The following GRAP2 variants were observed in gnomAD, a reference collection of about 807,000 sequenced individuals.
The protein encoded by GRAP2 is GRB2 related adaptor protein 2.
GRAP2 carries 31 observed loss-of-function variants against 43.5 expected under a neutral mutation model. The observed-to-expected ratio is 0.71, with a 90% confidence interval of 0.54 to 0.96. GRAP2 has a LOEUF of 0.96. GRAP2 is among the 40% of genes least tolerant of loss of function. The pLI is 0.00. For synonymous variants in GRAP2, 156 were observed against 164.8 expected, an observed-to-expected ratio of 0.95 and a Z score of 0.41; for missense variants, 371 against 424.4, an observed-to-expected ratio of 0.87 and a Z score of 1.11.
upstream of GRAP2, among the ~76,000 whole-genome samples, chr22:39,898,222 G>A (rs183175963): frequency 5.3e-5 from 8 of 152,150 alleles, no homozygotes; most frequent in African/African-American, 1.9e-4. Flanking sequence ...ACGTAAAATC[G>A]CAACCCCCAT....
chr22:39,908,118 G>A (rs184844801), intron 1 of GRAP2, among the ~76,000 whole-genome samples: 3 of 152,324 alleles, frequency 2.0e-5, no homozygotes, highest in East Asian at 1.9e-4. Context: ...TAGACTGTGT[G>A]TTCTCTGAAG....
At chr22:39,968,893 C>T (rs2067207562) in intron 6 of GRAP2, among the ~76,000 whole-genome samples, 1 of 152,198 alleles carries the variant, frequency 6.6e-6, no homozygotes, top group South Asian at 2.1e-4. Flanking sequence ...CCCGAATGGT[C>T]CATTGCGTTT....
chr22:39,966,942 A>G (rs138006), intron 5 of GRAP2, among the ~76,000 whole-genome samples: 124,795 of 152,098 alleles, frequency 0.82, 51,873 homozygotes, highest in African/African-American at 0.9. Flanking sequence ...TCCATATTAA[A>G]CACTAAGAAC....
Position 39,960,170 on chromosome 22 carries a change from G to A in GRAP2, c.286G>A (p.Val96Ile). 6.2e-7 allele frequency: 1 copy of A among 1,613,822 alleles called. No individual in the cohort carries two copies. The highest frequency in any genetic ancestry group is 8.5e-7 in the Non-Finnish European group (1 of 1,179,694). ...QSSPGDFSIS[V>I]RHEDDVQHFK... ...CTCCCCAGGGGACTTCTCCATCTCT[G>A]TCAGGTACTGACCATTCCTGACACT... Residue 96 changes from valine to isoleucine, a missense_variant, in exon 4 of 8, where the codon GTC (valine) becomes ATC (isoleucine). Val to Ile is a conservative substitution (Grantham distance 29, BLOSUM62 3). Coordinates refer to ENST00000344138, the MANE Select transcript of GRAP2 (RefSeq NM_004810.4).
intron 1 of GRAP2, among the ~76,000 whole-genome samples, chr22:39,925,775 C>G (rs1268306150): frequency 6.6e-6 from 1 of 152,154 alleles, no homozygotes; most frequent in Non-Finnish European, 1.5e-5. Flanking sequence ...CTACACCAAG[C>G]CCCCCAGATC....
upstream of GRAP2, among the ~76,000 whole-genome samples, chr22:39,900,678 T>TTTC (rs1046076283): frequency 2.0e-5 from 3 of 152,096 alleles, no homozygotes; most frequent in South Asian, 2.1e-4. Flanking sequence ...GCTCAGAATG[T>TTTC]TTCTTCTTTT....
At chr22:39,954,585 G>T (rs1430412197) in intron 2 of GRAP2, among the ~76,000 whole-genome samples, 1 of 152,054 alleles carries the variant, frequency 6.6e-6, no homozygotes, top group African/African-American at 2.4e-5. Context: ...AGTAGAGATG[G>T]CATTTCACCA....
In GRAP2 at chr22:39,968,168, C is replaced by A; in HGVS notation, c.586C>A (p.Gln196Lys). 1 of 1,609,434 alleles carries A rather than the reference C, an allele frequency of 6.2e-7. No individual in the cohort carries two copies. The highest frequency in any genetic ancestry group is 8.5e-7 in the Non-Finnish European group (1 of 1,177,856). The change falls in exon 6 of 8, where the codon CAG becomes AAG. Residue 196 changes from glutamine (Q) to lysine (K), a missense_variant. By Grantham distance (53) the Gln-to-Lys change is moderately conservative. Coordinates refer to ENST00000344138, the MANE Select transcript of GRAP2 (RefSeq NM_004810.4). ...LSDHPPTLPL[Q>K]QHQHQPQPPQ... ...GGATCACCCCCCGACCCTTCCCCTG[C>A]AGCAGCACCAGCACCAGCCACAGCC...
At position 39,973,693 on chromosome 22, in the gene GRAP2, C is replaced by T. The variant is rs1384654232; in HGVS notation, c.*2609C>T. 6.6e-6 allele frequency: 1 copy of T among 152,254 alleles called. No individual in the cohort carries two copies. Among genetic ancestry groups the T allele is most frequent in the Non-Finnish European group, 1.5e-5 (1 of 68,058 alleles). 9.4% of individuals were successfully genotyped at this position (152,254 alleles called of 1,614,324 possible). A position where few individuals can be genotyped will look rare whatever the true frequency, so the allele number is the denominator to read the frequency against. On this transcript the variant is annotated 3_prime_UTR_variant, in exon 8 of 8. Transcript: ENST00000344138. The stretch of plus-strand genomic sequence containing the variant: ...GGAGGGGGAAAGAGAGCTCAACCCC[C>T]CTCAGCCTCTGGTGCTGCCAGGGGG...
At chr22:39,962,689 G>A (rs564121889) in intron 4 of GRAP2, among the ~76,000 whole-genome samples, 12 of 151,806 alleles carry the variant, frequency 7.9e-5, no homozygotes, top group East Asian at 7.8e-4. Context: ...ACAGACTCTC[G>A]CTCTGTCGCC....
chr22:39,958,424 G>A (rs556106257), intron 3 of GRAP2, among the ~76,000 whole-genome samples: 64 of 152,210 alleles, frequency 4.2e-4, no homozygotes, highest in African/African-American at 1.5e-3. Flanking sequence ...TCTTTTGTGT[G>A]TGTCCCCCTC....
chr22:39,945,928 T>C (rs1441913963), intron 1 of GRAP2, among the ~76,000 whole-genome samples: 2 of 152,246 alleles, frequency 1.3e-5, no homozygotes, highest in East Asian at 3.8e-4. Context: ...TGGCATGATC[T>C]TGGCTCACTG....
chr22:39,898,830 C>CA (rs1427457237), upstream of GRAP2, among the ~76,000 whole-genome samples: 2 of 151,942 alleles, frequency 1.3e-5, no homozygotes, highest in Non-Finnish European at 2.9e-5. Context: ...CAAAATAAAA[C>CA]AAAAAACAAA....
chr22:39,964,573 G>T, intron 4 of GRAP2: 1 of 805,988 alleles, frequency 1.2e-6, no homozygotes, highest in South Asian at 1.4e-5. Flanking sequence ...AAAATAAGCT[G>T]TTCCTTGTGC....
rs781093092 is a variant in GRAP2 at position 39,968,133 on chromosome 22, G to A, written c.551G>A (p.Arg184Gln). The stretch of plus-strand genomic sequence containing the variant: ...GAAGAAATCCGACCTTCGATGAACC[G>A]GAAGCTGTCGGATCACCCCCCGACC... The part of the protein sequence containing the change: ...VGEEIRPSMN[R>Q]KLSDHPPTLP... The change falls in exon 6 of 8, where the codon CGG becomes CAG. Residue 184 changes from arginine (R) to glutamine (Q), a missense_variant. Physicochemically the swap from Arg to Gln is conservative, Grantham distance 43. Transcript: ENST00000344138. The A allele has an allele frequency of 1.6e-5, 25 of 1,606,508 alleles. No homozygotes were observed. Among genetic ancestry groups the A allele is most frequent in the Middle Eastern group, 3.3e-4 (2 of 6,072 alleles).
At chr22:39,953,955 T>C (rs2067018247) in intron 2 of GRAP2, among the ~76,000 whole-genome samples, 2 of 152,126 alleles carry the variant, frequency 1.3e-5, no homozygotes, top group African/African-American at 4.8e-5. Context: ...ACTTCCCTGC[T>C]CAAAATCCTT....
chr22:39,952,018 G>A (rs1035641682), intron 2 of GRAP2, among the ~76,000 whole-genome samples: 3 of 149,160 alleles, frequency 2.0e-5, no homozygotes, highest in African/African-American at 7.5e-5. Flanking sequence ...CAAAGTGTGT[G>A]GTTTTTTTTT....
intron 4 of GRAP2, among the ~76,000 whole-genome samples, chr22:39,962,231 C>T (rs922680293): frequency 2.6e-5 from 4 of 151,994 alleles, no homozygotes; most frequent in Admixed American, 6.6e-5. Flanking sequence ...GGAGACCAGC[C>T]GGGGCAACTA....
chr22:39,961,964 C>T lies in GRAP2; in HGVS notation c.290+1790C>T, dbSNP rs73885628. Among the ~76,000 whole-genome samples the T allele has an allele frequency of 6.2e-3, 947 of 152,336 alleles. 12 individuals are homozygous for T. Among genetic ancestry groups the T allele is most frequent in the African/African-American group, 0.022 (908 of 41,574 alleles). ...TATGCATACATACCTTTAAAGTGGTCTCTTTAGCATTGCCCTTGCAATCTT... is the reference window on the plus strand; with the variant it reads ...TATGCATACATACCTTTAAAGTGGTTTCTTTAGCATTGCCCTTGCAATCTT... On this transcript the variant is annotated intron_variant, in intron 4 of 7. Transcript: ENST00000344138.
Sources: gnomAD v4.1 joint callset for allele counts (sites outside exome capture counted in the v4.1 genomes callset) on GRCh38, gnomAD v4.1.1 for gene constraint, MANE v1.5 for transcripts, NCBI Gene and HGNC (gene_info 2026-07-23, HGNC 2026-07-21) for gene names.